TBC1D19: variants seen among roughly 807,000 people sequenced by gnomAD.
TBC1D19 encodes the protein TBC1 domain family, member 19.
In TBC1D19, 60 loss-of-function variants were observed where a neutral mutation model predicts 89.0. The ratio of observed to expected loss-of-function variants is 0.67; its 90% CI spans 0.55 to 0.84. TBC1D19 has a LOEUF of 0.84. Among genes scored for constraint, TBC1D19 ranks in the 40% least tolerant of loss-of-function variants. The pLI, the probability that TBC1D19 is intolerant of heterozygous loss-of-function variation, is 0.00. For synonymous variants in TBC1D19, 189 were observed against 199.7 expected (o/e 0.95, Z 0.45); for missense variants, 500 against 610.8 (o/e 0.82, Z 1.91).
the TBC1D19 span, among the ~76,000 whole-genome samples, chr4:26,793,722 C>CAAAAAAA: frequency 1.3e-5 from 1 of 78,986 alleles, no homozygotes; most frequent in Non-Finnish European, 2.4e-5. Context: ...GACTTCGTCT[C>CAAAAAAA]AAAAAAAAAA....
At chr4:26,650,459 G>C (rs1241074059) in intron 7 of TBC1D19, among the ~76,000 whole-genome samples, 1 of 152,070 alleles carries the variant, frequency 6.6e-6, no homozygotes. Flanking sequence ...TTCTCTGATG[G>C]CCAGTGATGA....
At chr4:26,586,183 T>TTTTTTTTTTTTTG in intron 1 of TBC1D19, among the ~76,000 whole-genome samples, 1 of 151,258 alleles carries the variant, frequency 6.6e-6, no homozygotes, top group Non-Finnish European at 1.5e-5. Context: ...TTTTTTTTTT[T>TTTTTTTTTTTTTG]TTTTTTGCAT....
chr4:26,654,090 A>G (rs1744609597), intron 7 of TBC1D19, among the ~76,000 whole-genome samples: 1 of 152,134 alleles, frequency 6.6e-6, no homozygotes, highest in African/African-American at 2.4e-5. Flanking sequence ...ATCTCTCAGC[A>G]TTTGCTTGTA....
chr4:26,851,231 T>G, the TBC1D19 span, among the ~76,000 whole-genome samples: 1 of 152,276 alleles, frequency 6.6e-6, no homozygotes, highest in South Asian at 2.1e-4. Flanking sequence ...TCCTGGGTCT[T>G]CAGGTTGCAG....
At chr4:26,810,239 C>T in the TBC1D19 span, among the ~76,000 whole-genome samples, 1 of 152,168 alleles carries the variant, frequency 6.6e-6, no homozygotes, top group African/African-American at 2.4e-5. Context: ...TTTTTCCTGA[C>T]CCATTTCCCC....
chr4:26,789,103 A>G, the TBC1D19 span, among the ~76,000 whole-genome samples: 61 of 152,340 alleles, frequency 4.0e-4, no homozygotes, highest in African/African-American at 1.4e-3. Flanking sequence ...GAAGACTAAT[A>G]ACTTGGGTTT....
intron 13 of TBC1D19, among the ~76,000 whole-genome samples, chr4:26,701,467 T>C (rs1577957293): frequency 6.6e-6 from 1 of 152,320 alleles, no homozygotes; most frequent in South Asian, 2.1e-4. Flanking sequence ...ATTTTGGTCC[T>C]TATTGTTAAT....
At chr4:26,824,437 A>G in the TBC1D19 span, among the ~76,000 whole-genome samples, 1 of 152,248 alleles carries the variant, frequency 6.6e-6, no homozygotes, top group South Asian at 2.1e-4. Flanking sequence ...TTCTACTAGT[A>G]TAAAACTAAT....
At chr4:26,619,262 T>C (rs992278299) in intron 3 of TBC1D19, among the ~76,000 whole-genome samples, 3 of 151,670 alleles carry the variant, frequency 2.0e-5, no homozygotes, top group Non-Finnish European at 4.4e-5. Context: ...TGGAGTGCAG[T>C]TGTGCAATCT....
chr4:26,592,642 T>G (rs1489654656), intron 1 of TBC1D19, among the ~76,000 whole-genome samples: 176 of 144,540 alleles, frequency 1.2e-3, no homozygotes, highest in African/African-American at 2.2e-3. Context: ...CAGCAAAGTC[T>G]CAGGATACAA....
chr4:26,706,746 C>T (rs566518936), intron 13 of TBC1D19, among the ~76,000 whole-genome samples: 1 of 152,174 alleles, frequency 6.6e-6, no homozygotes, highest in East Asian at 1.9e-4. Context: ...CCATTTGTCT[C>T]TAAGTATTTC....
chr4:26,850,275 G>A, the TBC1D19 span, among the ~76,000 whole-genome samples: 10 of 151,928 alleles, frequency 6.6e-5, no homozygotes, highest in Non-Finnish European at 1.2e-4. Context: ...TGGGCCCGGC[G>A]CGGTGACTCA....
the TBC1D19 span, among the ~76,000 whole-genome samples, chr4:26,820,244 C>A: frequency 7.0e-6 from 1 of 142,664 alleles, no homozygotes; most frequent in African/African-American, 2.6e-5. Context: ...GGTTACCATG[C>A]AGTACAAGAG....
intron 1 of TBC1D19, among the ~76,000 whole-genome samples, chr4:26,605,192 A>T (rs1740908417): frequency 7.7e-6 from 1 of 129,530 alleles, no homozygotes; most frequent in South Asian, 3.3e-4. Context: ...TCCTAATGCT[A>T]TCCCTCCCCC....
At chr4:26,585,189 G>A (rs1739337194) in intron 1 of TBC1D19, 3 of 448,130 alleles carry the variant, frequency 6.7e-6, no homozygotes, top group Non-Finnish European at 1.3e-5. Context: ...TGTATGGTAA[G>A]TGTAATGTTT....
chr4:26,729,235 T>C (rs1717509058), intron 15 of TBC1D19, among the ~76,000 whole-genome samples: 1 of 152,184 alleles, frequency 6.6e-6, no homozygotes, highest in Admixed American at 6.5e-5. Context: ...ACCCAGCTGG[T>C]TTGTGTTAAG....
intron 7 of TBC1D19, among the ~76,000 whole-genome samples, chr4:26,646,102 G>A (rs1296798893): frequency 7.4e-6 from 1 of 134,392 alleles, no homozygotes; most frequent in Non-Finnish European, 1.5e-5. Context: ...CAGCCTGGGC[G>A]ACAGAGCGAG....
intron 1 of TBC1D19, among the ~76,000 whole-genome samples, chr4:26,598,368 C>A (rs1465946994): frequency 6.6e-6 from 1 of 151,924 alleles, no homozygotes; most frequent in East Asian, 1.9e-4. Context: ...TGAATTTTTA[C>A]ACTATGTATG....
At chr4:26,627,717 G>A (rs1258341111) in intron 4 of TBC1D19, among the ~76,000 whole-genome samples, 3 of 152,004 alleles carry the variant, frequency 2.0e-5, no homozygotes, top group Admixed American at 6.6e-5. Flanking sequence ...CATGTCCTTC[G>A]CCCACTTTTT....
Sources: gnomAD v4.1 joint callset for allele counts (sites outside exome capture counted in the v4.1 genomes callset) on GRCh38, gnomAD v4.1.1 for gene constraint, MANE v1.5 for transcripts, NCBI Gene and HGNC (gene_info 2026-07-23, HGNC 2026-07-21) for gene names.